TMCC3: variants seen among roughly 807,000 people sequenced by gnomAD.
The protein encoded by TMCC3 is transmembrane and coiled-coil domain family 3.
Under a neutral mutation model 40.2 loss-of-function variants are expected in TMCC3, and 28 were observed. The ratio of observed to expected loss-of-function variants is 0.70; its 90% confidence interval spans 0.52 to 0.95. The LOEUF is 0.95. Ranked by LOEUF, TMCC3 falls within the 40% of genes least tolerant of loss-of-function variation. The probability of loss-of-function intolerance (pLI) is 0.00; values close to 1 mark genes in which losing one functional copy is unlikely to be tolerated. For missense variants in TMCC3, 554 were observed against 615.2 expected, an observed-to-expected ratio of 0.90 and a Z score of 1.05; for synonymous variants, 255 against 248.5, an observed-to-expected ratio of 1.03 and a Z score of -0.25.
chr12:94,583,442 T>C (rs947372577), intron 1 of TMCC3, among the ~76,000 whole-genome samples: 3 of 149,624 alleles, frequency 2.0e-5, no homozygotes, highest in Middle Eastern at 3.4e-3. Flanking sequence ...AGGTGGAGGT[T>C]GCAGTGAGCC....
At chr12:94,631,250 C>T (rs1033412177) in intron 1 of TMCC3, among the ~76,000 whole-genome samples, 1 of 152,150 alleles carries the variant, frequency 6.6e-6, no homozygotes, top group African/African-American at 2.4e-5. Flanking sequence ...TGCACACACA[C>T]ACATCAAATC....
intron 1 of TMCC3, among the ~76,000 whole-genome samples, chr12:94,619,295 A>G (rs2068863297): frequency 6.6e-6 from 1 of 152,124 alleles, no homozygotes; most frequent in Non-Finnish European, 1.5e-5. Context: ...TTTTCTCACT[A>G]TTACCTTATG....
intron 1 of TMCC3, among the ~76,000 whole-genome samples, chr12:94,590,590 C>T (rs889453947): frequency 2.6e-5 from 4 of 152,070 alleles, no homozygotes; most frequent in African/African-American, 4.8e-5. Context: ...GCAGATAAGC[C>T]CTGGATCTGC....
Position 94,582,239 on chromosome 12 carries a change from G to T in TMCC3, c.378C>A (p.Ile126=), listed in dbSNP as rs766647429. ...GCTCTAACTTCTTCTGCAGCTGGGC[G>T]ATGGAGTGAGCTGATTTCTGATTCT... is the stretch of plus-strand genomic sequence containing the variant. ...EKKNQKSAHS[I]AQLQKKLEQY... The change falls in exon 2 of 4, where the codon ATC becomes ATA. Residue 126 remains isoleucine, a synonymous_variant. Coordinates refer to ENST00000261226, the MANE Select transcript of TMCC3 (RefSeq NM_020698.4). The T allele has an allele frequency of 1.9e-6, 3 of 1,614,142 alleles. No homozygotes were observed. The highest frequency in any genetic ancestry group is 2.5e-6 in the Non-Finnish European group (3 of 1,180,034).
At chr12:94,597,151 ATATATATGTATATAAAT>A (rs2068721624) in intron 1 of TMCC3, among the ~76,000 whole-genome samples, 7 of 18,180 alleles carry the variant, frequency 3.9e-4, no homozygotes, top group Non-Finnish European at 1.2e-3. Context: ...ATATATATAT[ATATATATGTATATAAAT>A]TAGCCAGGCC....
At position 94,643,085 on chromosome 12, in the gene TMCC3, G is replaced by A. The variant is rs547122467; in HGVS notation, c.78+7268C>T. On this transcript the variant is annotated intron_variant, in intron 1 of 3. Coordinates refer to ENST00000261226, the MANE Select transcript of TMCC3 (RefSeq NM_020698.4). ...CGTGCACCTGTAGTCCCAGCTACTCGGGAGGCTGAGACAGGGGAATCACTT... is the reference window on the plus strand; with the variant it reads ...CGTGCACCTGTAGTCCCAGCTACTCAGGAGGCTGAGACAGGGGAATCACTT... Among the ~76,000 whole-genome samples, 1,070 of 152,134 alleles carry A rather than the reference G, an allele frequency of 7.0e-3. 4 individuals carry two copies. Among genetic ancestry groups the A allele is most frequent in the Middle Eastern group, 0.01 (3 of 294 alleles).
chr12:94,594,040 C>A (rs965573176), intron 1 of TMCC3, among the ~76,000 whole-genome samples: 1 of 152,066 alleles, frequency 6.6e-6, no homozygotes, highest in African/African-American at 2.4e-5. Context: ...TGTGAGGCAA[C>A]ACCCAAAAAA....
intron 1 of TMCC3, chr12:94,590,981 T>C (rs938511162): frequency 1.2e-5 from 7 of 562,428 alleles, no homozygotes; most frequent in Admixed American, 2.0e-5. Flanking sequence ...AATATGATCT[T>C]GGGAGATGAG....
intron 1 of TMCC3, among the ~76,000 whole-genome samples, chr12:94,622,474 G>A (rs1025164720): frequency 2.0e-5 from 3 of 151,866 alleles, no homozygotes; most frequent in African/African-American, 7.3e-5. Context: ...CATTAAAAAA[G>A]GAAGAATGAA....
At chr12:94,580,656 A>C (rs1300408911) in intron 2 of TMCC3, among the ~76,000 whole-genome samples, 1 of 152,130 alleles carries the variant, frequency 6.6e-6, no homozygotes, top group African/African-American at 2.4e-5. Flanking sequence ...GATCGCTTGA[A>C]ACCAGAAGGC....
chr12:94,649,937 C>T (rs2069044762), intron 1 of TMCC3, among the ~76,000 whole-genome samples: 3 of 152,276 alleles, frequency 2.0e-5, no homozygotes, highest in Non-Finnish European at 2.9e-5. Context: ...AGGGCGGCCG[C>T]CGGGACGTTC....
At chr12:94,607,343 C>G (rs565231604) in intron 1 of TMCC3, among the ~76,000 whole-genome samples, 3 of 152,036 alleles carry the variant, frequency 2.0e-5, no homozygotes, top group Admixed American at 6.5e-5. Flanking sequence ...ACATTCTCAG[C>G]TTATGAAGAT....
chr12:94,608,550 C>T (rs1217636509), intron 1 of TMCC3, among the ~76,000 whole-genome samples: 2 of 152,050 alleles, frequency 1.3e-5, no homozygotes, highest in African/African-American at 4.8e-5. Flanking sequence ...CAATCTAACT[C>T]CTCTCTCTCC....
At chr12:94,603,241 C>T (rs1274536) in intron 1 of TMCC3, among the ~76,000 whole-genome samples, 136,346 of 152,112 alleles carry the variant, frequency 0.9, 61,470 homozygotes, top group Middle Eastern at 0.94. Context: ...TGCACCACCA[C>T]GCCTGGCTAA....
rs1456990293 is a variant in TMCC3 at position 94,593,368 on chromosome 12, A to G, written c.79-10830T>C. 9.1e-5 allele frequency among the ~76,000 whole-genome samples: 7 copies of G among 77,312 alleles called. 3 individuals carry two copies. Among genetic ancestry groups the G allele is most frequent in the South Asian group, 8.1e-4 (2 of 2,484 alleles). The allele number at this position is 77,312 out of a possible 152,430, so 50.7% of individuals were successfully genotyped here. On this transcript the variant is annotated intron_variant, in intron 1 of 3. Transcript: ENST00000261226. ...GACAACAGGCTCCATCTAAAAAAAA[A>G]AAAAGAAAAGAAAAGAAAGAAGAAA...
intron 1 of TMCC3, among the ~76,000 whole-genome samples, chr12:94,601,808 CAAAAAAAAAAA>C (rs61372290): frequency 0.46 from 35,102 of 76,464 alleles, 5,611 homozygotes; most frequent in Middle Eastern, 0.56. Flanking sequence ...GACCTGGTCT[CAAAAAAAAAAA>C]AAAAAAAAAA....
At position 94,571,559 on chromosome 12, in the gene TMCC3, G is replaced by T. The variant is rs1394729925; in HGVS notation, c.1310C>A (p.Ser437Ter). ...VCVSTIAKFV[S>*]PMMKSRCHIL... Reference sequence around the variant, plus strand: ...GTGGCAGCGACTCTTCATCATGGGTGAGACGAACTTCGCGATGGTGGACAC... The same window carrying T: ...GTGGCAGCGACTCTTCATCATGGGTTAGACGAACTTCGCGATGGTGGACAC... Residue 437 changes from serine (S) to a stop codon, truncating the protein, a stop_gained, in exon 4 of 4, where the codon TCA (serine) becomes TAA (stop). Transcript: ENST00000261226. LOFTEE classifies it high-confidence loss of function. The T allele has an allele frequency of 6.2e-7, 1 of 1,614,182 alleles. No homozygotes were observed. Among genetic ancestry groups the T allele is most frequent in the Admixed American group, 1.7e-5 (1 of 60,024 alleles).
intron 1 of TMCC3, among the ~76,000 whole-genome samples, chr12:94,640,579 T>G (rs2068984185): frequency 6.6e-6 from 1 of 152,076 alleles, no homozygotes; most frequent in South Asian, 2.1e-4. Context: ...AATGTAAGTT[T>G]TAAGGAGATA....
At chr12:94,635,103 G>A (rs991796217) in intron 1 of TMCC3, among the ~76,000 whole-genome samples, 26 of 152,186 alleles carry the variant, frequency 1.7e-4, no homozygotes, top group Non-Finnish European at 1.9e-4. Context: ...AGGCACAGGA[G>A]TAACATACAA....
Sources: allele counts gnomAD v4.1 joint callset (sites outside exome capture counted in the v4.1 genomes callset), GRCh38; gene constraint gnomAD v4.1.1; transcripts MANE v1.5; gene names NCBI Gene and HGNC (gene_info 2026-07-23, HGNC 2026-07-21).